The following EIF2AK3 variants were observed in gnomAD, a reference collection of about 807,000 sequenced individuals.
The protein encoded by EIF2AK3 is eukaryotic translation initiation factor 2 alpha kinase 3, also known as eukaryotic translation initiation factor 2-alpha kinase 3.
In EIF2AK3, 50 loss-of-function variants were observed where a neutral mutation model predicts 113.5. That is an observed-to-expected ratio of 0.44 (90% CI 0.35 to 0.56). EIF2AK3 has a LOEUF of 0.56. Ranked by LOEUF, EIF2AK3 falls within the 20% of genes least tolerant of loss-of-function variation. EIF2AK3 has a pLI of 0.00. For synonymous variants in EIF2AK3, 448 were observed against 495.4 expected (o/e 0.90, Z 1.27); for missense variants, 1,185 against 1,378.0 (o/e 0.86, Z 2.22).
At chr2:88,618,952 T>C (rs1329486575) in intron 1 of EIF2AK3, among the ~76,000 whole-genome samples, 1 of 151,966 alleles carries the variant, frequency 6.6e-6, no homozygotes, top group Non-Finnish European at 1.5e-5. Context: ...ACATTTTTCT[T>C]TCCTGGTTTC....
At chr2:88,565,924 G>T (rs966174002) in intron 14 of EIF2AK3, among the ~76,000 whole-genome samples, 2 of 151,944 alleles carry the variant, frequency 1.3e-5, no homozygotes, top group Non-Finnish European at 2.9e-5. Context: ...ATTTTTCTAC[G>T]TAAGCCAGTT....
At chr2:88,594,841 A>AC (rs1333193209) in intron 3 of EIF2AK3, among the ~76,000 whole-genome samples, 3 of 151,058 alleles carry the variant, frequency 2.0e-5, no homozygotes, top group African/African-American at 4.8e-5. Flanking sequence ...AAAAAAAAAA[A>AC]AAAAAAAACG....
intron 1 of EIF2AK3, among the ~76,000 whole-genome samples, chr2:88,619,092 C>T (rs1215362305): frequency 3.3e-5 from 5 of 151,532 alleles, no homozygotes; most frequent in South Asian, 4.2e-4. Flanking sequence ...CAGGTTCAAG[C>T]GATTCTCCTG....
At chr2:88,606,423 A>G (rs1675279889) in intron 2 of EIF2AK3, among the ~76,000 whole-genome samples, 3 of 152,358 alleles carry the variant, frequency 2.0e-5, no homozygotes, top group Non-Finnish European at 2.9e-5. Context: ...AGGGATTAAT[A>G]TAACAAAATT....
chr2:88,586,179 GTC>G (rs1045911930), intron 8 of EIF2AK3, 118 bp from the exon 9 acceptor site: 1 of 785,038 alleles, frequency 1.3e-6, no homozygotes, highest in Non-Finnish European at 2.1e-6. Context: ...TTTAAGTTTT[GTC>G]TCTCTTCTTT....
chr2:88,603,423 G>C (rs1675199497), intron 2 of EIF2AK3, among the ~76,000 whole-genome samples: 1 of 152,140 alleles, frequency 6.6e-6, no homozygotes, highest in Admixed American at 6.5e-5. Context: ...CAGTGGAAAG[G>C]GTTTTCTGAT....
chr2:88,567,105 G>A lies in EIF2AK3; in HGVS notation c.2985+3769C>T, dbSNP rs552351685. 3.9e-5 allele frequency among the ~76,000 whole-genome samples: 6 copies of A among 152,094 alleles called. No homozygotes were observed. In the South Asian group the frequency reaches 1.0e-3, roughly 26 times the overall value. ...ATCCATGATATTTCTTTGTGGCCTA[G>A]AAGTTCAAAATGAAAGTAAATATAA... On this transcript the variant is annotated intron_variant, in intron 14 of 16. Coordinates refer to ENST00000303236, the MANE Select transcript of EIF2AK3 (RefSeq NM_004836.7).
Position 88,627,078 on chromosome 2 carries a change from G to A in EIF2AK3, c.197C>T (p.Ala66Val), listed in dbSNP as rs746375881. The change falls in exon 1 of 17, where the codon GCT (alanine) becomes GTT (valine). Residue 66 changes from alanine to valine, a missense_variant. Physicochemically the swap from Ala to Val is moderately conservative, Grantham distance 64 (BLOSUM62 0). Transcript: ENST00000303236. ...ATRVPAAGAVAAAEVTVEDAE... is the reference protein window; with the variant it reads ...ATRVPAAGAVVAAEVTVEDAE... ...GTCCTCCACAGTCACCTCGGCCGCA[G>A]CCACGGCGCCCGCCGCCGGTACTCG... is the stretch of plus-strand genomic sequence containing the variant. 1.0e-5 allele frequency: 16 copies of A among 1,562,756 alleles called. No individual in the cohort carries two copies. Among genetic ancestry groups the A allele is most frequent in the Non-Finnish European group, 1.1e-5 (13 of 1,162,948 alleles).
At chr2:88,590,150 G>T (rs542528876) in intron 6 of EIF2AK3, among the ~76,000 whole-genome samples, 7 of 152,124 alleles carry the variant, frequency 4.6e-5, no homozygotes, top group Non-Finnish European at 1.0e-4. Context: ...CAGGAGAATC[G>T]CTTGAACCCA....
intron 13 of EIF2AK3, 79 bp downstream of exon 13, chr2:88,574,587 T>G (rs1674402647): frequency 6.5e-7 from 1 of 1,531,600 alleles, no homozygotes; most frequent in Non-Finnish European, 8.9e-7. Context: ...TTAAGGATCC[T>G]TCAGAGTACT....
chr2:88,627,046 C>T lies in EIF2AK3; in HGVS notation c.229G>A (p.Ala77Thr), dbSNP rs1001666194. Residue 77 changes from alanine (A) to threonine (T), a missense_variant, in exon 1 of 17, where the codon GCG becomes ACG. Ala to Thr is a moderately conservative substitution (Grantham distance 58, BLOSUM62 0). Around this residue, in one of 3 missense-constraint regions of EIF2AK3, gnomAD observed 189 missense variants for 175.2 expected, o/e 1.08. Transcript: ENST00000303236. Reference sequence around the variant, plus strand: ...TGCTCTCCCGCGGCTGCCGGCAGCGCCTCAGCGTCCTCCACAGTCACCTCG... The same window carrying T: ...TGCTCTCCCGCGGCTGCCGGCAGCGTCTCAGCGTCCTCCACAGTCACCTCG... ...AAEVTVEDAE[A>T]LPAAAGEQEP... is the part of the protein sequence containing the mutation. The T allele has an allele frequency of 2.5e-6, 4 of 1,598,278 alleles. No individual in the cohort carries two copies. Among genetic ancestry groups the T allele is most frequent in the Admixed American group, 3.4e-5 (2 of 59,436 alleles).
intron 2 of EIF2AK3, 33 bp from the exon 3 acceptor site, chr2:88,595,696 T>C (rs766788660): frequency 6.3e-5 from 98 of 1,566,760 alleles, no homozygotes; most frequent in Non-Finnish European, 8.5e-5. Context: ...AAAAGGGCCA[T>C]AACATTAATT....
intron 1 of EIF2AK3, among the ~76,000 whole-genome samples, chr2:88,615,471 T>C (rs1675546370): frequency 1.3e-5 from 2 of 152,174 alleles, no homozygotes; most frequent in Non-Finnish European, 2.9e-5. Flanking sequence ...ACTTATGATA[T>C]TAATGCCTTT....
chr2:88,625,683 T>C (rs1186392869), intron 1 of EIF2AK3, among the ~76,000 whole-genome samples: 2 of 152,222 alleles, frequency 1.3e-5, no homozygotes, highest in Non-Finnish European at 2.9e-5. Context: ...AACCAGTAAG[T>C]ACCTGTTGAA....
In EIF2AK3 at chr2:88,626,984, C is replaced by A; in HGVS notation, c.291G>T (p.Glu97Asp). ...CCCCTCACCTGCCGCGCGGTCGCAACTCTGTCTCATCGTCTGGTTCCGGAC... is the reference window on the plus strand; with the variant it reads ...CCCCTCACCTGCCGCGCGGTCGCAAATCTGTCTCATCGTCTGGTTCCGGAC... Reference protein sequence around the residue: ...PRGPEPDDETELRPRGRSLVI... With the variant: ...PRGPEPDDETDLRPRGRSLVI... The change falls in exon 1 of 17, where the codon GAG becomes GAT. Residue 97 changes from glutamate (E) to aspartate (D), a missense_variant. By Grantham distance (45) the Glu-to-Asp change is conservative (BLOSUM62 2). Coordinates refer to ENST00000303236, the MANE Select transcript of EIF2AK3 (RefSeq NM_004836.7). The A allele has an allele frequency of 6.2e-7, 1 of 1,609,438 alleles. No homozygotes were observed.
intron 15 of EIF2AK3, 95 bp from the exon 16 acceptor site, chr2:88,559,074 C>G: frequency 1.2e-6 from 1 of 807,798 alleles, no homozygotes; most frequent in Non-Finnish European, 2.0e-6. Context: ...AGAGGTTGTA[C>G]ATCTATCAAA....
intron 4 of EIF2AK3, among the ~76,000 whole-genome samples, chr2:88,592,565 A>AC (rs1674914906): frequency 6.6e-6 from 1 of 152,094 alleles, no homozygotes; most frequent in Admixed American, 6.5e-5. Context: ...GGAGTTTGAG[A>AC]CTAGCCTAAC....
intron 1 of EIF2AK3, among the ~76,000 whole-genome samples, chr2:88,625,411 C>T (rs144794271): frequency 1.2e-3 from 180 of 152,032 alleles, no homozygotes; most frequent in African/African-American, 3.9e-3. Flanking sequence ...AGTGACTTTC[C>T]ATTACAATTT....
At chr2:88,606,295 T>A (rs1289460598) in intron 2 of EIF2AK3, among the ~76,000 whole-genome samples, 1 of 142,948 alleles carries the variant, frequency 7.0e-6, no homozygotes, top group African/African-American at 3.0e-5. Flanking sequence ...GAAGAGTCAA[T>A]TTCCTAAAAA....
Sources: gnomAD v4.1 joint callset for allele counts (sites outside exome capture counted in the v4.1 genomes callset) on GRCh38, gnomAD v4.1.1 for gene constraint, gnomAD v4.1.1 regional missense constraint, MANE v1.5 for transcripts, NCBI Gene and HGNC (gene_info 2026-07-23, HGNC 2026-07-21) for gene names.